Variants in ARHGAP10 observed in about 807,000 individuals in gnomAD.
The protein encoded by ARHGAP10 is Rho GTPase activating protein 10.
A neutral mutation model predicts 108.6 loss-of-function variants in ARHGAP10; 87 were observed. The ratio of observed to expected loss-of-function variants is 0.80; its 90% CI spans 0.67 to 0.96. ARHGAP10 has a LOEUF of 0.96. ARHGAP10 is among the 40% of genes least tolerant of loss of function. The pLI is 0.00. For synonymous variants in ARHGAP10, 347 were observed against 341.1 expected, an observed-to-expected ratio of 1.02 and a Z score of -0.19; for missense variants, 939 against 954.5, an observed-to-expected ratio of 0.98 and a Z score of 0.21.
chr4:147,734,537 C>T (rs928121270), intron 1 of ARHGAP10, among the ~76,000 whole-genome samples: 8 of 152,150 alleles, frequency 5.3e-5, no homozygotes, highest in Non-Finnish European at 1.2e-4. Flanking sequence ...AGCTCACATG[C>T]CTTTTCCCGC....
chr4:148,015,999 A>T (rs1317483571), intron 18 of ARHGAP10, among the ~76,000 whole-genome samples: 1 of 152,162 alleles, frequency 6.6e-6, no homozygotes, highest in African/African-American at 2.4e-5. Context: ...GTGATGTTGG[A>T]GGCAATGGAA....
At chr4:147,795,681 ATTT>A (rs1040192795) in intron 1 of ARHGAP10, among the ~76,000 whole-genome samples, 2 of 148,990 alleles carry the variant, frequency 1.3e-5, no homozygotes, top group African/African-American at 5.0e-5. Context: ...TTTATTTTTT[ATTT>A]TTTTAATTTA....
chr4:147,772,747 A>G (rs966479585), intron 1 of ARHGAP10, among the ~76,000 whole-genome samples: 1 of 152,216 alleles, frequency 6.6e-6, no homozygotes, highest in African/African-American at 2.4e-5. Context: ...TTTTACAGGC[A>G]TTTTTATTAT....
intron 18 of ARHGAP10, among the ~76,000 whole-genome samples, chr4:147,986,680 A>G (rs1369104013): frequency 6.6e-6 from 1 of 152,204 alleles, no homozygotes; most frequent in African/African-American, 2.4e-5. Flanking sequence ...CACCATCAAT[A>G]TAATTCATAT....
intron 13 of ARHGAP10, among the ~76,000 whole-genome samples, chr4:147,928,544 T>C (rs934485062): frequency 6.6e-6 from 1 of 152,200 alleles, no homozygotes; most frequent in African/African-American, 2.4e-5. Flanking sequence ...AAGACTTATA[T>C]AGGAAAGGGA....
At chr4:148,071,635 A>C (rs1560904122) in intron 22 of ARHGAP10, among the ~76,000 whole-genome samples, 1 of 104,960 alleles carries the variant, frequency 9.5e-6, no homozygotes, top group Non-Finnish European at 2.2e-5. Flanking sequence ...ACAAACAAAC[A>C]AACAAAAAAA....
intron 1 of ARHGAP10, among the ~76,000 whole-genome samples, chr4:147,752,710 A>G (rs1729207486): frequency 6.6e-6 from 1 of 152,124 alleles, no homozygotes. Flanking sequence ...GTATTTTAGT[A>G]GAGACGGAGT....
intron 4 of ARHGAP10, among the ~76,000 whole-genome samples, chr4:147,850,563 C>T (rs1416065726): frequency 6.6e-6 from 1 of 152,148 alleles, no homozygotes; most frequent in Non-Finnish European, 1.5e-5. Flanking sequence ...GGCTTCACTC[C>T]TAAGTCAGCA....
chr4:147,847,314 T>G, intron 4 of ARHGAP10, 92 bp downstream of exon 4: 20 of 1,063,412 alleles, frequency 1.9e-5, no homozygotes, highest in Non-Finnish European at 2.4e-5. Context: ...TTGAAGGAGA[T>G]GCCGGAGCAA....
chr4:147,898,407 T>C (rs2126896249), intron 10 of ARHGAP10, among the ~76,000 whole-genome samples: 1 of 152,188 alleles, frequency 6.6e-6, no homozygotes, highest in East Asian at 1.9e-4. Flanking sequence ...CTCTCCTCTG[T>C]TGTCTTTCTC....
chr4:147,838,188 A>G (rs1042621527), intron 3 of ARHGAP10, among the ~76,000 whole-genome samples: 2 of 152,182 alleles, frequency 1.3e-5, no homozygotes, highest in Non-Finnish European at 2.9e-5. Context: ...CAGAGCATTG[A>G]TGGCCACATC....
intron 1 of ARHGAP10, among the ~76,000 whole-genome samples, chr4:147,806,292 T>G (rs1731781081): frequency 6.6e-6 from 1 of 152,118 alleles, no homozygotes; most frequent in Non-Finnish European, 1.5e-5. Flanking sequence ...ATCTCACTTT[T>G]CATAATGTTA....
chr4:148,057,951 G>A (rs1422123770), intron 20 of ARHGAP10, among the ~76,000 whole-genome samples: 3 of 152,194 alleles, frequency 2.0e-5, no homozygotes, highest in Admixed American at 1.3e-4. Context: ...CCCCAACGCC[G>A]TGGGTTATGG....
At chr4:148,015,648 G>C (rs1213456453) in intron 18 of ARHGAP10, among the ~76,000 whole-genome samples, 1 of 152,196 alleles carries the variant, frequency 6.6e-6, no homozygotes, top group Non-Finnish European at 1.5e-5. Flanking sequence ...CTTTCTCTCT[G>C]TACTGTTCAC....
intron 19 of ARHGAP10, among the ~76,000 whole-genome samples, chr4:148,039,143 C>A (rs968986013): frequency 6.6e-6 from 1 of 151,866 alleles, no homozygotes; most frequent in Admixed American, 6.6e-5. Context: ...TAAAAGACAA[C>A]AATGGACATG....
intron 1 of ARHGAP10, among the ~76,000 whole-genome samples, chr4:147,796,351 A>G (rs761638179): frequency 1.3e-5 from 2 of 152,022 alleles, no homozygotes; most frequent in Admixed American, 6.6e-5. Context: ...ATATATTTAT[A>G]TATCTGTGAG....
At chr4:147,892,581 TGGGGTTGGCTG>T (rs1735829772) in intron 10 of ARHGAP10, among the ~76,000 whole-genome samples, 1 of 7,946 alleles carries the variant, frequency 1.3e-4, no homozygotes, top group African/African-American at 2.1e-4. Flanking sequence ...TGGGGGAGTG[TGGGGTTGGCTG>T]GGAGTGTGGG....
At chr4:147,879,398 G>A in intron 9 of ARHGAP10, 60 bp downstream of exon 9, 3 of 1,430,176 alleles carry the variant, frequency 2.1e-6, no homozygotes, top group East Asian at 2.3e-5. Context: ...GTTTGAGGGT[G>A]TCATTTTAAT....
intron 7 of ARHGAP10, among the ~76,000 whole-genome samples, 193 bp from the exon 8 acceptor site, chr4:147,874,828 T>A (rs1039100654): frequency 2.6e-5 from 4 of 152,226 alleles, no homozygotes; most frequent in African/African-American, 9.6e-5. Context: ...GTAGCTATTT[T>A]ACTGCTATTT....
Sources: gnomAD v4.1 joint callset for allele counts (sites outside exome capture counted in the v4.1 genomes callset) on GRCh38, gnomAD v4.1.1 for gene constraint, MANE v1.5 for transcripts, NCBI Gene and HGNC (gene_info 2026-07-23, HGNC 2026-07-21) for gene names.